OSBPL10: variants seen among roughly 807,000 people sequenced by gnomAD.
OSBPL10 encodes oxysterol-binding protein-related protein 10.
Under a neutral mutation model 81.7 loss-of-function variants are expected in OSBPL10, and 49 were observed. The ratio of observed to expected loss-of-function variants is 0.60; its 90% confidence interval spans 0.48 to 0.76. The LOEUF (loss-of-function observed/expected upper bound fraction) is 0.76, where lower values mean the gene tolerates loss of function less well. OSBPL10 is among the 30% of genes least tolerant of loss of function. OSBPL10 has a pLI of 0.00. For missense variants in OSBPL10, 923 were observed against 987.8 expected, an observed-to-expected ratio of 0.93 and a Z score of 0.88; for synonymous variants, 419 against 383.6, an observed-to-expected ratio of 1.09 and a Z score of -1.08.
intron 8 of OSBPL10, among the ~76,000 whole-genome samples, chr3:31,680,402 G>C (rs1449033089): frequency 6.6e-6 from 1 of 152,180 alleles, no homozygotes; most frequent in Non-Finnish European, 1.5e-5. Flanking sequence ...ACAGGTCAGA[G>C]ATGAGCTGAG....
rs572028629 is a variant in OSBPL10, at chr3:31,993,999, A to C, written n.298+52492T>G. Among the ~76,000 whole-genome samples, 10 of 152,372 alleles carry C rather than the reference A, an allele frequency of 6.6e-5. 1 individual carries two copies. Among genetic ancestry groups the C allele is most frequent in the Non-Finnish European group, 1.2e-4 (8 of 68,038 alleles). ...CCCTCAACTGGGGAATGAATTAAAA[A>C]TGTAAACCAACTATGGTACATGTAT... On this transcript the variant is annotated intron_variant and non_coding_transcript_variant, in intron 2 of 3. Coordinates refer to the OSBPL10 transcript ENST00000479173.
rs56311731 is a variant in OSBPL10, at chr3:31,762,630, A to ATTTTTT, written c.730-14516_730-14511dup. On this transcript the variant is annotated intron_variant, in intron 4 of 11. Transcript: ENST00000396556. The stretch of plus-strand genomic sequence containing the variant: ...GCCTATGCACAACACCATGCCCAGC[A>ATTTTTT]TTTTTTTTTTTTTTTTTTTGTAGAG... Among the ~76,000 whole-genome samples the ATTTTTT allele has an allele frequency of 3.3e-4, 20 of 61,478 alleles. 4 individuals are homozygous for ATTTTTT. Among genetic ancestry groups the ATTTTTT allele is most frequent in the African/African-American group, 1.4e-3 (17 of 12,520 alleles). The allele number at this position is 61,478 out of a possible 152,430, so 40.3% of individuals were successfully genotyped here.
At chr3:31,794,479 G>T in intron 4 of OSBPL10, 1 of 230,834 alleles carries the variant, frequency 4.3e-6, no homozygotes, top group South Asian at 7.8e-5. Context: ...AATGGCCATG[G>T]TTGTGCTGAG....
intron 6 of OSBPL10, 147 bp from the exon 7 acceptor site, chr3:31,702,655 G>T: frequency 9.4e-7 from 1 of 1,065,918 alleles, no homozygotes; most frequent in Non-Finnish European, 1.3e-6. Flanking sequence ...ATTGGCCACG[G>T]GGCAGACAAG....
At chr3:31,812,804 AAG>A (rs1261978307) in intron 4 of OSBPL10, among the ~76,000 whole-genome samples, 1 of 56,072 alleles carries the variant, frequency 1.8e-5, no homozygotes. Flanking sequence ...GAAAGAAAGA[AAG>A]AAAGAAAGAA....
At chr3:31,715,843 T>C (rs996632518) in intron 6 of OSBPL10, among the ~76,000 whole-genome samples, 3 of 152,186 alleles carry the variant, frequency 2.0e-5, no homozygotes, top group African/African-American at 7.2e-5. Flanking sequence ...CTGCGGATGG[T>C]AAATGGCCTT....
chr3:31,808,531 T>A (rs915118256), intron 4 of OSBPL10, among the ~76,000 whole-genome samples: 1 of 152,162 alleles, frequency 6.6e-6, no homozygotes, highest in African/African-American at 2.4e-5. Flanking sequence ...AGAGGGCAAA[T>A]CAATCACTAG....
At chr3:31,991,480 T>G (rs1356634777) in intron 2 of OSBPL10, 1 of 167,040 alleles carries the variant, frequency 6.0e-6, no homozygotes, top group Non-Finnish European at 1.5e-5. Context: ...TTTACGTTTA[T>G]TCCTAAATAT....
chr3:31,848,348 A>C (rs1316749331), intron 3 of OSBPL10, among the ~76,000 whole-genome samples: 2 of 150,778 alleles, frequency 1.3e-5, no homozygotes, highest in African/African-American at 2.4e-5. Flanking sequence ...AGCCCCCCCC[A>C]GTTAGTTCAA....
At chr3:32,057,841 G>A (rs1014998970) in intron 1 of OSBPL10, among the ~76,000 whole-genome samples, 1 of 152,138 alleles carries the variant, frequency 6.6e-6, no homozygotes, top group South Asian at 2.1e-4. Flanking sequence ...GCCCTCAGGT[G>A]GGGGACCAAC....
At chr3:31,925,494 T>G (rs1353071734) in intron 1 of OSBPL10, among the ~76,000 whole-genome samples, 1 of 152,100 alleles carries the variant, frequency 6.6e-6, no homozygotes, top group Non-Finnish European at 1.5e-5. Flanking sequence ...TTTTTTTTTT[T>G]TTTGAGTGAA....
At chr3:31,944,875 A>C (rs1697651231) in intron 1 of OSBPL10, among the ~76,000 whole-genome samples, 1 of 138,556 alleles carries the variant, frequency 7.2e-6, no homozygotes, top group Non-Finnish European at 1.5e-5. Flanking sequence ...AAAAAAGGCC[A>C]GGCACAGTGG....
chr3:31,735,184 C>T (rs1697113025), intron 5 of OSBPL10, among the ~76,000 whole-genome samples: 1 of 152,224 alleles, frequency 6.6e-6, no homozygotes, highest in Non-Finnish European at 1.5e-5. Flanking sequence ...CCTGTAATTC[C>T]AGCACTTTGG....
In OSBPL10 at chr3:31,775,490, A is replaced by T. The variant is rs193045912; in HGVS notation, c.730-27370T>A. Among the ~76,000 whole-genome samples the T allele has an allele frequency of 9.2e-4, 98 of 106,698 alleles. 1 individual carries two copies. Among genetic ancestry groups the T allele is most frequent in the Admixed American group, 2.5e-3 (23 of 9,182 alleles). 70.0% of individuals were successfully genotyped at this position (106,698 alleles called of 152,430 possible). A position where few individuals can be genotyped will look rare whatever the true frequency, so the allele number is the denominator to read the frequency against. On this transcript the variant is annotated intron_variant, in intron 4 of 11. Coordinates refer to ENST00000396556, the MANE Select transcript of OSBPL10 (RefSeq NM_017784.5). ...AGTGGATGCCTTGAAACAGATCATG[A>T]AGGAGTTGAAATTTTTAGTAATGTT...
At chr3:31,926,397 C>T (rs1697077558) in intron 1 of OSBPL10, among the ~76,000 whole-genome samples, 1 of 150,422 alleles carries the variant, frequency 6.6e-6, no homozygotes, top group African/African-American at 2.4e-5. Flanking sequence ...GCTGAGCAGT[C>T]TACAATATAC....
chr3:31,949,997 A>G (rs1697823705), intron 1 of OSBPL10, among the ~76,000 whole-genome samples: 1 of 152,140 alleles, frequency 6.6e-6, no homozygotes, highest in South Asian at 2.1e-4. Context: ...TTTTTAAAGT[A>G]GGTCTCGGTG....
intron 4 of OSBPL10, among the ~76,000 whole-genome samples, chr3:31,782,050 AACT>A (rs1698710413): frequency 6.6e-6 from 1 of 152,210 alleles, no homozygotes; most frequent in African/African-American, 2.4e-5. Flanking sequence ...CCTGACTTGA[AACT>A]ACTACAAGGC....
Position 31,768,562 on chromosome 3 carries a change from T to C in OSBPL10, c.730-20442A>G, listed in dbSNP as rs535570243. Among the ~76,000 whole-genome samples the C allele has an allele frequency of 9.6e-4, 147 of 152,332 alleles. 1 individual carries two copies. The highest frequency in any genetic ancestry group is 3.4e-3 in the African/African-American group (142 of 41,582). The stretch of plus-strand genomic sequence containing the variant: ...GATGTAAAATAAACACATGTAATTC[T>C]TTCCACACTACAACATAAATACATA... On this transcript the variant is annotated intron_variant, in intron 4 of 11. Transcript: ENST00000396556.
intron 2 of OSBPL10, among the ~76,000 whole-genome samples, chr3:32,000,879 A>C (rs1272554777): frequency 6.6e-6 from 1 of 152,218 alleles, no homozygotes; most frequent in Non-Finnish European, 1.5e-5. Context: ...TAAGACGTGC[A>C]GCTTTCCAAA....
Sources: allele counts gnomAD v4.1 joint callset (sites outside exome capture counted in the v4.1 genomes callset), GRCh38; gene constraint gnomAD v4.1.1; transcripts MANE v1.5; gene names NCBI Gene and HGNC (gene_info 2026-07-23, HGNC 2026-07-21).